Variants in TRIM69 observed in about 807,000 individuals in gnomAD.
TRIM69 encodes the protein tripartite motif containing 69.
In TRIM69, 29 loss-of-function variants were observed where a neutral mutation model predicts 37.7. The observed-to-expected ratio is 0.77, with a 90% confidence interval of 0.57 to 1.05. The LOEUF (loss-of-function observed/expected upper bound fraction) is 1.05, where lower values mean the gene tolerates loss of function less well. Among genes scored for constraint, TRIM69 ranks in the 50% least tolerant of loss-of-function variants. The pLI, the probability that TRIM69 is intolerant of heterozygous loss-of-function variation, is 0.00. For synonymous variants in TRIM69, 209 were observed against 212.4 expected (o/e 0.98, Z 0.14); for missense variants, 596 against 579.9 (o/e 1.03, Z -0.28).
intron 2 of TRIM69, 75 bp downstream of exon 2, chr15:44,755,451 C>A: frequency 9.6e-7 from 1 of 1,044,242 alleles, no homozygotes. Context: ...CTTCTTTCTT[C>A]CAACCCCATC....
intron 1 of TRIM69, among the ~76,000 whole-genome samples, chr15:44,750,721 T>C (rs1334514347): frequency 1.2e-4 from 13 of 109,844 alleles, no homozygotes; most frequent in East Asian, 2.5e-4. Context: ...TTTTCTTTTT[T>C]TTTTTTTTTT....
chr15:44,752,012 C>T (rs1000451531), intron 1 of TRIM69, among the ~76,000 whole-genome samples: 3 of 152,110 alleles, frequency 2.0e-5, no homozygotes, highest in Non-Finnish European at 4.4e-5. Context: ...GCCTCAGCCT[C>T]CCAAAGTGCT....
At chr15:44,741,649 C>A (rs1363329882) in intron 1 of TRIM69, among the ~76,000 whole-genome samples, 1 of 152,162 alleles carries the variant, frequency 6.6e-6, no homozygotes, top group Non-Finnish European at 1.5e-5. Flanking sequence ...CCACTGATCC[C>A]ACAGAAATAC....
intron 1 of TRIM69, chr15:44,753,081 C>G (rs1243815254): frequency 2.6e-5 from 4 of 152,152 alleles, no homozygotes; most frequent in African/African-American, 9.7e-5. Flanking sequence ...ACCTATGTAG[C>G]TACTTTTTCA....
rs548905760 is a variant in TRIM69 at position 44,766,784 on chromosome 15, C to T, written c.962-447C>T. ...TAAAAAGCATGTAAGTGGCCAGGTG[C>T]GGTGGCTCATGCCTGTAATCTCAGC... On this transcript the variant is annotated intron_variant, in intron 6 of 6. Coordinates refer to ENST00000329464, the MANE Select transcript of TRIM69 (RefSeq NM_182985.5). 6.6e-5 allele frequency among the ~76,000 whole-genome samples: 10 copies of T among 151,942 alleles called. No homozygotes were observed. The South Asian group carries it at 8.3e-4, about 13-fold the overall frequency.
chr15:44,758,551 G>A, intron 3 of TRIM69, 70 bp from the exon 4 acceptor site: 1 of 1,584,446 alleles, frequency 6.3e-7, no homozygotes, highest in East Asian at 2.3e-5. Context: ...GTGAGTGTTG[G>A]TGGTGTGGGC....
chr15:44,751,390 A>T (rs1566893673), intron 1 of TRIM69, among the ~76,000 whole-genome samples: 1 of 152,110 alleles, frequency 6.6e-6, no homozygotes, highest in African/African-American at 2.4e-5. Context: ...TGCTAGGATT[A>T]CAGGCATGAG....
intron 1 of TRIM69, among the ~76,000 whole-genome samples, chr15:44,745,302 C>T (rs1834767315): frequency 6.6e-6 from 1 of 152,066 alleles, no homozygotes; most frequent in African/African-American, 2.4e-5. Flanking sequence ...TAGATGACTA[C>T]TAAGTTCATG....
Position 44,767,233 on chromosome 15 carries a change from C to T in TRIM69, c.964C>T (p.Leu322=), listed in dbSNP as rs1038507202. Residue 322 remains leucine, a splice_region_variant and synonymous_variant, in exon 7 of 7, where the codon CTG becomes TTG. Transcript: ENST00000329464. ...REMQDTLCPG[L]SPLTLDPKTA... ...GCTTTCTTTTATTTTCTTACTAGGC[C>T]TGTCTCCACTAACTCTGGACCCTAA... 6.2e-7 allele frequency: 1 copy of T among 1,611,532 alleles called. No homozygotes were observed. Among genetic ancestry groups the T allele is most frequent in the Non-Finnish European group, 8.5e-7 (1 of 1,178,774 alleles).
chr15:44,756,906 A>G (rs2087662843), intron 3 of TRIM69: 1 of 153,366 alleles, frequency 6.5e-6, no homozygotes, highest in Non-Finnish European at 1.5e-5. Context: ...AGCTGATTTG[A>G]TCTTCTTAGC....
chr15:44,739,176 C>T (rs1326279172), intron 1 of TRIM69, among the ~76,000 whole-genome samples: 1 of 152,172 alleles, frequency 6.6e-6, no homozygotes, highest in Non-Finnish European at 1.5e-5. Context: ...CAGTCACTTC[C>T]CGTTCCTCTT....
At chr15:44,748,592 A>G (rs1199574189) in intron 1 of TRIM69, among the ~76,000 whole-genome samples, 2 of 151,978 alleles carry the variant, frequency 1.3e-5, no homozygotes, top group African/African-American at 4.8e-5. Flanking sequence ...TGGGAGGCCA[A>G]GGTGGGTGGA....
At chr15:44,747,158 G>C (rs2087425920) in intron 1 of TRIM69, among the ~76,000 whole-genome samples, 1 of 152,154 alleles carries the variant, frequency 6.6e-6, no homozygotes. Flanking sequence ...TTAAGCTGGA[G>C]TAACCCATTT....
rs1293764098 is a variant in TRIM69, at chr15:44,761,159, C to T, written c.961+1287C>T. 5.9e-5 allele frequency among the ~76,000 whole-genome samples: 9 copies of T among 152,166 alleles called. 1 individual carries two copies. The highest frequency in any genetic ancestry group is 1.0e-4 in the Non-Finnish European group (7 of 68,022). ...GGTCTCGATCTCCTGACCTCGTGAT[C>T]TGCCCGCCTCAGCCTCCCAAAGTGC... On this transcript the variant is annotated intron_variant, in intron 6 of 6. Coordinates refer to ENST00000329464, the MANE Select transcript of TRIM69 (RefSeq NM_182985.5).
chr15:44,760,098 T>A (rs1232029842), intron 6 of TRIM69, among the ~76,000 whole-genome samples: 2 of 152,214 alleles, frequency 1.3e-5, no homozygotes, highest in Non-Finnish European at 2.9e-5. Context: ...CAGGATTACT[T>A]CTTAGCATAT....
intron 1 of TRIM69, among the ~76,000 whole-genome samples, chr15:44,741,742 A>AT (rs2087291141): frequency 6.6e-6 from 1 of 152,242 alleles, no homozygotes; most frequent in Non-Finnish European, 1.5e-5. Context: ...TCTTCGACAC[A>AT]TACACCCTCC....
intron 6 of TRIM69, among the ~76,000 whole-genome samples, chr15:44,763,392 G>A (rs1043084035): frequency 1.3e-5 from 2 of 152,276 alleles, no homozygotes; most frequent in East Asian, 1.9e-4. Context: ...TGTTCATACC[G>A]TCAACATGAT....
chr15:44,759,212 T>C (rs1429085427), intron 4 of TRIM69, among the ~76,000 whole-genome samples: 2 of 152,238 alleles, frequency 1.3e-5, no homozygotes, highest in African/African-American at 4.8e-5. Flanking sequence ...AGCTGACCTG[T>C]CTGAAAAGCT....
chr15:44,745,795 G>A (rs950508587), intron 1 of TRIM69, among the ~76,000 whole-genome samples: 4 of 152,038 alleles, frequency 2.6e-5, no homozygotes, highest in African/African-American at 9.7e-5. Context: ...AATCAGATTT[G>A]AGCAGGCAAA....
Sources: gnomAD v4.1 joint callset for allele counts (sites outside exome capture counted in the v4.1 genomes callset) on GRCh38, gnomAD v4.1.1 for gene constraint, MANE v1.5 for transcripts, NCBI Gene and HGNC (gene_info 2026-07-23, HGNC 2026-07-21) for gene names.